Variants in GRIN2B observed in about 807,000 individuals in gnomAD.
The protein encoded by GRIN2B is glutamate receptor ionotropic, NMDA 2B.
A neutral mutation model predicts 114.5 loss-of-function variants in GRIN2B; 5 were observed. The ratio of observed to expected loss-of-function variants is 0.04; its 90% CI spans 0.02 to 0.09. The LOEUF is 0.09. GRIN2B is among the 10% of genes least tolerant of loss of function. GRIN2B has a pLI of 1.00. For synonymous variants in GRIN2B, 787 were observed against 745.1 expected (o/e 1.06, Z -0.92); for missense variants, 1,108 against 1,943.5 (o/e 0.57, Z 8.08).
intron 3 of GRIN2B, among the ~76,000 whole-genome samples, chr12:13,807,222 G>C (rs1385304349): frequency 6.6e-6 from 1 of 152,114 alleles, no homozygotes; most frequent in Non-Finnish European, 1.5e-5. Flanking sequence ...TTTCTATGGT[G>C]ACCTTCTGCC....
At chr12:13,791,288 A>G (rs908288228) in intron 3 of GRIN2B, among the ~76,000 whole-genome samples, 1 of 151,908 alleles carries the variant, frequency 6.6e-6, no homozygotes, top group African/African-American at 2.4e-5. Context: ...CGTCTCTACT[A>G]AAAATACAAA....
Position 13,831,626 on chromosome 12 carries a change from T to A in GRIN2B, c.411+34172A>T, listed in dbSNP as rs1865147042. The stretch of plus-strand genomic sequence containing the variant: ...ACACGTTAGGAATAGGCAAGGACAG[T>A]AGAAGAAGAAAAAGAGGCTCATGTG... On this transcript the variant is annotated intron_variant, in intron 3 of 13. Transcript: ENST00000609686. Among the ~76,000 whole-genome samples, 2 of 152,180 alleles carry A rather than the reference T, an allele frequency of 1.3e-5. 1 individual carries two copies. Among genetic ancestry groups the A allele is most frequent in the Admixed American group, 1.3e-4 (2 of 15,278 alleles).
chr12:13,717,452 T>C (rs1950466148), intron 4 of GRIN2B, among the ~76,000 whole-genome samples: 1 of 152,032 alleles, frequency 6.6e-6, no homozygotes, highest in Non-Finnish European at 1.5e-5. Flanking sequence ...GTTTCTCCTC[T>C]GTTAAATGGC....
At chr12:13,892,360 A>G (rs1195019793) in intron 2 of GRIN2B, among the ~76,000 whole-genome samples, 2 of 152,216 alleles carry the variant, frequency 1.3e-5, no homozygotes, top group Admixed American at 6.5e-5. Flanking sequence ...ATGTCCTTAC[A>G]GTTTTCCAGT....
At chr12:13,587,994 A>G (rs1948954104) in intron 10 of GRIN2B, among the ~76,000 whole-genome samples, 1 of 152,242 alleles carries the variant, frequency 6.6e-6, no homozygotes, top group African/African-American at 2.4e-5. Flanking sequence ...TAGTTTAAAC[A>G]TGCAAATTAG....
In GRIN2B at chr12:13,547,981, A is replaced by ATATATATATT; in HGVS notation, c.*14801_*14802insAATATATATA. The ATATATATATT allele has an allele frequency of 1.6e-4, 11 of 68,586 alleles. No individual in the cohort carries two copies. Among genetic ancestry groups the ATATATATATT allele is most frequent in the African/African-American group, 1.8e-4 (4 of 21,782 alleles). The allele number at this position is 68,586 out of a possible 1,614,324, so 4.2% of individuals were successfully genotyped here. A position where few individuals can be genotyped will look rare whatever the true frequency, so the allele number is the denominator to read the frequency against. On this transcript the variant is annotated 3_prime_UTR_variant, in exon 14 of 14. Coordinates refer to ENST00000609686, the MANE Select transcript of GRIN2B (RefSeq NM_000834.5). Reference sequence around the variant, plus strand: ...TGTGTATATATATATATATATATATATTTTTTTTTTTTTTCTGAAAGCTAC... The same window carrying ATATATATATT: ...TGTGTATATATATATATATATATATATATATATATTTTTTTTTTTTTTTTCTGAAAGCTAC...
intron 3 of GRIN2B, among the ~76,000 whole-genome samples, chr12:13,799,547 A>G (rs1339490070): frequency 6.6e-6 from 1 of 152,168 alleles, no homozygotes; most frequent in Non-Finnish European, 1.5e-5. Flanking sequence ...TCTCTTGCCC[A>G]TTGCCTTCTC....
intron 5 of GRIN2B, among the ~76,000 whole-genome samples, chr12:13,654,713 T>A (rs1949845999): frequency 6.6e-6 from 1 of 152,158 alleles, no homozygotes; most frequent in Admixed American, 6.6e-5. Context: ...GTTCTGGCCA[T>A]CCTGCTGGTG....
At chr12:13,824,855 CAAAAAAAAAAAAA>C (rs34417194) in intron 3 of GRIN2B, among the ~76,000 whole-genome samples, 1 of 95,112 alleles carries the variant, frequency 1.1e-5, no homozygotes, top group African/African-American at 4.4e-5. Context: ...GACTCCATTT[CAAAAAAAAAAAAA>C]AAAAAAAAAA....
At chr12:13,762,876 T>C (rs1003339671) in intron 3 of GRIN2B, among the ~76,000 whole-genome samples, 2 of 141,078 alleles carry the variant, frequency 1.4e-5, no homozygotes, top group Admixed American at 1.4e-4. Context: ...TCTGAGAAAG[T>C]TTTTTTTTTG....
chr12:13,552,884 G>C lies in GRIN2B; in HGVS notation c.*9899C>G, dbSNP rs1046972484. The stretch of plus-strand genomic sequence containing the variant: ...CTACCCACTCCTGTCTCAATGAAGA[G>C]TGGACTTTCTTCACTTTTTTTTTAA... On this transcript the variant is annotated 3_prime_UTR_variant, in exon 14 of 14. Coordinates refer to ENST00000609686, the MANE Select transcript of GRIN2B (RefSeq NM_000834.5). The C allele has an allele frequency of 1.3e-5, 2 of 152,064 alleles. No individual in the cohort carries two copies. The highest frequency in any genetic ancestry group is 6.5e-5 in the Admixed American group (1 of 15,274). The allele number at this position is 152,064 out of a possible 1,614,324, so 9.4% of individuals were successfully genotyped here.
intron 2 of GRIN2B, among the ~76,000 whole-genome samples, chr12:13,898,555 C>G (rs770554099): frequency 2.0e-4 from 31 of 152,314 alleles, no homozygotes; most frequent in Non-Finnish European, 3.2e-4. Context: ...AGAGGAAGAA[C>G]ACAAGTGTGG....
chr12:13,718,411 C>T (rs142272219), intron 4 of GRIN2B, among the ~76,000 whole-genome samples: 5 of 151,886 alleles, frequency 3.3e-5, no homozygotes, highest in Non-Finnish European at 7.4e-5. Context: ...TCAAGTGCTG[C>T]GGAGGAAGTA....
At chr12:13,926,749 C>A (rs1196128877) in intron 2 of GRIN2B, among the ~76,000 whole-genome samples, 1 of 152,124 alleles carries the variant, frequency 6.6e-6, no homozygotes, top group Non-Finnish European at 1.5e-5. Flanking sequence ...GAGAGGAGAT[C>A]GAGACCATCC....
intron 3 of GRIN2B, among the ~76,000 whole-genome samples, chr12:13,783,329 A>G (rs1488319510): frequency 6.6e-6 from 1 of 152,176 alleles, no homozygotes; most frequent in Admixed American, 6.5e-5. Context: ...TTCATGTACA[A>G]CATCTACTTT....
chr12:13,860,956 C>T (rs1362889595), intron 3 of GRIN2B, among the ~76,000 whole-genome samples: 1 of 152,196 alleles, frequency 6.6e-6, no homozygotes, highest in Non-Finnish European at 1.5e-5. Flanking sequence ...TTGACTCTGT[C>T]ATTCCCTATC....
chr12:13,594,207 A>G (rs1487241198), intron 10 of GRIN2B, among the ~76,000 whole-genome samples: 2 of 152,218 alleles, frequency 1.3e-5, no homozygotes, highest in Non-Finnish European at 2.9e-5. Flanking sequence ...TCTTTCTACT[A>G]TAAAGACACA....
intron 10 of GRIN2B, among the ~76,000 whole-genome samples, chr12:13,587,298 A>G (rs1445318205): frequency 6.6e-6 from 1 of 150,830 alleles, no homozygotes; most frequent in African/African-American, 2.4e-5. Context: ...CTCTGAGTCT[A>G]GCCCCACTAG....
chr12:13,894,002 A>C lies in GRIN2B; in HGVS notation c.-18-27776T>G, dbSNP rs544534070. On this transcript the variant is annotated intron_variant, in intron 2 of 13. Coordinates refer to ENST00000609686, the MANE Select transcript of GRIN2B (RefSeq NM_000834.5). ...TCCGATATTACTCATAATTACAGAA[A>C]TAAAAACACAGCGGTGGAGTGTAAT... Among the ~76,000 whole-genome samples, 597 of 152,240 alleles carry C rather than the reference A, an allele frequency of 3.9e-3. 2 individuals carry two copies. Among genetic ancestry groups the C allele is most frequent in the Middle Eastern group, 0.014 (4 of 294 alleles).
Sources: gnomAD v4.1 joint callset for allele counts (sites outside exome capture counted in the v4.1 genomes callset) on GRCh38, gnomAD v4.1.1 for gene constraint, MANE v1.5 for transcripts, NCBI Gene and HGNC (gene_info 2026-07-23, HGNC 2026-07-21) for gene names.